Variants in ACTN1 observed in about 807,000 individuals in gnomAD.
ACTN1 encodes the protein alpha-actinin-1.
In ACTN1, 30 loss-of-function variants were observed where a neutral mutation model predicts 119.6. The ratio of observed to expected loss-of-function variants is 0.25; its 90% CI spans 0.19 to 0.34. ACTN1 has a LOEUF of 0.34. Among genes scored for constraint, ACTN1 ranks in the 10% least tolerant of loss-of-function variants. The probability of loss-of-function intolerance (pLI) is 1.00; values close to 1 mark genes in which losing one functional copy is unlikely to be tolerated. For synonymous variants in ACTN1, 429 were observed against 472.6 expected, an observed-to-expected ratio of 0.91 and a Z score of 1.20; for missense variants, 764 against 1,223.4, an observed-to-expected ratio of 0.62 and a Z score of 5.60.
chr14:68,951,709 T>C (rs1210693064), intron 1 of ACTN1, among the ~76,000 whole-genome samples: 1 of 152,194 alleles, frequency 6.6e-6, no homozygotes, highest in East Asian at 1.9e-4. Flanking sequence ...AGACTGGACG[T>C]GGTCTTGGAA....
Position 68,890,622 on chromosome 14 carries a change from A to G in ACTN1, c.1087-336T>C, listed in dbSNP as rs1421284975. On this transcript the variant is annotated intron_variant, in intron 10 of 21. Coordinates refer to ENST00000394419, the MANE Select transcript of ACTN1 (RefSeq NM_001130004.2). ...TTCCCGCAGGACTCTAACCGATCAC[A>G]GAGGTCACACATGTGCTAAGGCAAA... 3.3e-5 allele frequency among the ~76,000 whole-genome samples: 5 copies of G among 151,984 alleles called. No homozygotes were observed. In the East Asian group the frequency reaches 7.7e-4, roughly 23 times the overall value.
chr14:68,895,484 G>A (rs902433790), intron 8 of ACTN1, among the ~76,000 whole-genome samples: 6 of 152,100 alleles, frequency 3.9e-5, no homozygotes, highest in Non-Finnish European at 1.5e-5. Context: ...GGACTGACTG[G>A]GGAGCAGCTT....
intron 3 of ACTN1, among the ~76,000 whole-genome samples, chr14:68,913,920 C>T (rs1026659024): frequency 3.9e-5 from 6 of 152,146 alleles, no homozygotes; most frequent in African/African-American, 1.4e-4. Context: ...GGTAGTACTA[C>T]TCATCAAGAA....
At chr14:68,927,813 C>G (rs1468750468) in intron 1 of ACTN1, among the ~76,000 whole-genome samples, 4 of 152,186 alleles carry the variant, frequency 2.6e-5, no homozygotes, top group African/African-American at 9.7e-5. Context: ...CTCTTTAAAA[C>G]AAATATAATT....
At chr14:68,941,684 C>T (rs2035765457) in intron 1 of ACTN1, among the ~76,000 whole-genome samples, 1 of 150,966 alleles carries the variant, frequency 6.6e-6, no homozygotes, top group African/African-American at 2.4e-5. Context: ...TACTAAAGTA[C>T]AAGAAAGACA....
At position 68,979,148 on chromosome 14, in the gene ACTN1, G is replaced by A; in HGVS notation, c.-92C>T. On this transcript the variant is annotated 5_prime_UTR_variant, in exon 1 of 22. Coordinates refer to ENST00000394419, the MANE Select transcript of ACTN1 (RefSeq NM_001130004.2). Reference sequence around the variant, plus strand: ...CTGGCGTGGGGAGGGAGTAGGGCTGGGCTGGGCTGGGCTGGCGGGGCCGGG... The same window carrying A: ...CTGGCGTGGGGAGGGAGTAGGGCTGAGCTGGGCTGGGCTGGCGGGGCCGGG... The A allele has an allele frequency of 2.6e-6, 2 of 762,478 alleles. No homozygotes were observed. Among genetic ancestry groups the A allele is most frequent in the Non-Finnish European group, 4.1e-6 (2 of 489,356 alleles). The allele number at this position is 762,478 out of a possible 1,614,324, so 47.2% of individuals were successfully genotyped here.
At chr14:68,956,048 C>T (rs1024743392) in intron 1 of ACTN1, among the ~76,000 whole-genome samples, 1 of 152,084 alleles carries the variant, frequency 6.6e-6, no homozygotes, top group African/African-American at 2.4e-5. Flanking sequence ...CACTATAGTC[C>T]CAGCTACTGA....
chr14:68,964,454 A>G (rs2036638510), intron 1 of ACTN1, among the ~76,000 whole-genome samples: 1 of 152,002 alleles, frequency 6.6e-6, no homozygotes. Context: ...GAGGGTGGAG[A>G]CTCAGCTCCA....
At chr14:68,956,494 T>C (rs894965084) in intron 1 of ACTN1, among the ~76,000 whole-genome samples, 1 of 152,146 alleles carries the variant, frequency 6.6e-6, no homozygotes, top group African/African-American at 2.4e-5. Flanking sequence ...TAACAGAGCA[T>C]TTGGTTCAGG....
At chr14:68,954,517 G>A (rs972095579) in intron 1 of ACTN1, among the ~76,000 whole-genome samples, 23 of 152,000 alleles carry the variant, frequency 1.5e-4, no homozygotes, top group African/African-American at 5.1e-4. Context: ...TAGTATAGAC[G>A]GGGTTTCACC....
intron 1 of ACTN1, among the ~76,000 whole-genome samples, chr14:68,954,677 T>C (rs1236664702): frequency 6.6e-6 from 1 of 152,122 alleles, no homozygotes; most frequent in Admixed American, 6.5e-5. Flanking sequence ...ACAGTTTCCT[T>C]AGGACACACT....
rs887179874 is a variant in ACTN1, at chr14:68,890,127, G to A, written c.1234+12C>T. ...AGCCCTGGGGGGAGGCAGGAGGCTG[G>A]GCTGGCCTCACCGTCAGTCCAGGCC... On this transcript the variant is annotated intron_variant, in intron 11 of 21. Coordinates refer to ENST00000394419, the MANE Select transcript of ACTN1 (RefSeq NM_001130004.2). The A allele has an allele frequency of 6.2e-7, 1 of 1,607,486 alleles. No homozygotes were observed. Among genetic ancestry groups the A allele is most frequent in the Non-Finnish European group, 8.5e-7 (1 of 1,177,418 alleles).
chr14:68,898,160 T>C (rs549569705), intron 8 of ACTN1, among the ~76,000 whole-genome samples: 1 of 152,324 alleles, frequency 6.6e-6, no homozygotes, highest in East Asian at 1.9e-4. Context: ...CTCATGAATT[T>C]CTCTCAGATC....
At position 68,880,999 on chromosome 14, in the gene ACTN1, G is replaced by A. The variant is rs772103525; in HGVS notation, c.1954-10C>T. On this transcript the variant is annotated splice_polypyrimidine_tract_variant and intron_variant, in intron 16 of 21. Coordinates refer to ENST00000394419, the MANE Select transcript of ACTN1 (RefSeq NM_001130004.2). The surrounding 1 kb of genome is among the most constrained non-coding windows in gnomAD (Gnocchi z 4.6). ...AGATCCTCCCGATCTCCTGCTCACC[G>A]GGAAGGAAGCACCTTGTCAGACCAC... 68 of 1,613,528 alleles carry A rather than the reference G, an allele frequency of 4.2e-5. No individual in the cohort carries two copies. The highest frequency in any genetic ancestry group is 3.2e-4 in the South Asian group (29 of 91,064).
At chr14:68,917,538 C>T (rs1677885873) in intron 3 of ACTN1, among the ~76,000 whole-genome samples, 1 of 152,212 alleles carries the variant, frequency 6.6e-6, no homozygotes, top group Non-Finnish European at 1.5e-5. Context: ...TCATTCTATG[C>T]CATCTGCCCA....
intron 1 of ACTN1, 45 bp downstream of exon 1, chr14:68,978,907 G>T (rs1179141121): frequency 7.4e-7 from 1 of 1,354,504 alleles, no homozygotes; most frequent in Non-Finnish European, 1.0e-6. Context: ...GTCGGGGCTG[G>T]GGGCTGGGGG....
At chr14:68,937,122 G>A (rs1264860745) in intron 1 of ACTN1, among the ~76,000 whole-genome samples, 1 of 151,502 alleles carries the variant, frequency 6.6e-6, no homozygotes, top group Non-Finnish European at 1.5e-5. Flanking sequence ...TCCTGGCCCC[G>A]TCTCTCACCC....
chr14:68,901,673 T>C (rs1228347813), intron 8 of ACTN1, among the ~76,000 whole-genome samples: 4 of 152,220 alleles, frequency 2.6e-5, no homozygotes, highest in Non-Finnish European at 5.9e-5. Context: ...CAGGGAGGTC[T>C]GGGGGAGGGG....
intron 1 of ACTN1, 35 bp downstream of exon 1, chr14:68,978,917 G>C (rs1302809592): frequency 7.0e-7 from 1 of 1,429,036 alleles, no homozygotes; most frequent in Non-Finnish European, 9.5e-7. Context: ...GGGGCTGGGG[G>C]CTGGGGGCTG....
Sources: gnomAD v4.1 joint callset for allele counts (sites outside exome capture counted in the v4.1 genomes callset) on GRCh38, gnomAD v4.1.1 for gene constraint, Gnocchi (gnomAD v3.1) non-coding constraint, MANE v1.5 for transcripts, NCBI Gene and HGNC (gene_info 2026-07-23, HGNC 2026-07-21) for gene names.